The following IMMP1L variants were observed in gnomAD, a reference collection of about 807,000 sequenced individuals.
The protein encoded by IMMP1L is inner mitochondrial membrane peptidase subunit 1.
In IMMP1L, 24 loss-of-function variants were observed where a neutral mutation model predicts 21.8. The ratio of observed to expected loss-of-function variants is 1.10; its 90% CI spans 0.80 to 1.55. The LOEUF (loss-of-function observed/expected upper bound fraction) is 1.55. Ranked by LOEUF, IMMP1L falls within the 40% of genes most tolerant of loss-of-function variation. IMMP1L has a pLI of 0.00. For synonymous variants in IMMP1L, 46 were observed against 62.8 expected (o/e 0.73, Z 1.26); for missense variants, 195 against 200.7 (o/e 0.97, Z 0.17).
chr11:31,471,021 A>G (rs1013385879), intron 1 of IMMP1L, among the ~76,000 whole-genome samples: 3 of 152,228 alleles, frequency 2.0e-5, no homozygotes, highest in Non-Finnish European at 4.4e-5. Flanking sequence ...TTACAGCTAT[A>G]TAGGAGAAAT....
At chr11:31,496,211 C>G (rs563353100) in intron 1 of IMMP1L, among the ~76,000 whole-genome samples, 5 of 150,700 alleles carry the variant, frequency 3.3e-5, no homozygotes, top group Admixed American at 2.6e-4. Flanking sequence ...GGCCAATAAG[C>G]ACATGAAAAG....
At chr11:31,459,854 T>A (rs1380116455) in intron 3 of IMMP1L, among the ~76,000 whole-genome samples, 1 of 152,148 alleles carries the variant, frequency 6.6e-6, no homozygotes. Context: ...TACAATGATG[T>A]AATCTAAAAA....
intron 1 of IMMP1L, among the ~76,000 whole-genome samples, chr11:31,490,162 ATG>A (rs375838202): frequency 6.6e-6 from 1 of 152,318 alleles, no homozygotes; most frequent in East Asian, 1.9e-4. Context: ...TTATTCACAT[ATG>A]TGTGTGTATG....
chr11:31,451,388 T>C (rs1356151328), intron 4 of IMMP1L, among the ~76,000 whole-genome samples: 1 of 149,734 alleles, frequency 6.7e-6, no homozygotes, highest in Non-Finnish European at 1.5e-5. Flanking sequence ...ATGAGAGAGA[T>C]GAGTTTATCT....
chr11:31,477,371 T>C (rs750676005), intron 1 of IMMP1L: 3 of 201,166 alleles, frequency 1.5e-5, no homozygotes, highest in South Asian at 3.5e-4. Flanking sequence ...AACTTTTCTA[T>C]TTCAATAGCT....
chr11:31,452,311 A>G, intron 4 of IMMP1L: 2 of 982,668 alleles, frequency 2.0e-6, no homozygotes, highest in South Asian at 9.4e-5. Flanking sequence ...ACACAATATT[A>G]TACTAATAAA....
chr11:31,473,643 T>TC, intron 1 of IMMP1L: 5 of 436,734 alleles, frequency 1.1e-5, no homozygotes, highest in Non-Finnish European at 1.5e-5. Context: ...AATTAGAGAT[T>TC]CCTCCATCTT....
At chr11:31,446,477 G>C (rs548780164) in intron 4 of IMMP1L, among the ~76,000 whole-genome samples, 1 of 152,124 alleles carries the variant, frequency 6.6e-6, no homozygotes, top group African/African-American at 2.4e-5. Context: ...TTAGGGATGG[G>C]GTCTTGCTAT....
At chr11:31,468,171 G>A (rs1483559966) in intron 1 of IMMP1L, among the ~76,000 whole-genome samples, 1 of 152,094 alleles carries the variant, frequency 6.6e-6, no homozygotes, top group African/African-American at 2.4e-5. Flanking sequence ...AGCTATAAAA[G>A]ACATGGGGAC....
At chr11:31,480,116 T>C (rs1354881919) in intron 1 of IMMP1L, among the ~76,000 whole-genome samples, 2 of 152,076 alleles carry the variant, frequency 1.3e-5, no homozygotes, top group East Asian at 1.9e-4. Flanking sequence ...TACTCCCTCA[T>C]TGAGCTCAAA....
At chr11:31,476,431 T>C (rs954086956) in intron 1 of IMMP1L, among the ~76,000 whole-genome samples, 11 of 152,040 alleles carry the variant, frequency 7.2e-5, no homozygotes, top group Non-Finnish European at 1.5e-5. Context: ...AAAGACTTTA[T>C]ATGGAAAAGA....
chr11:31,458,764 G>T (rs1954034665), intron 3 of IMMP1L, among the ~76,000 whole-genome samples: 2 of 152,180 alleles, frequency 1.3e-5, no homozygotes, highest in South Asian at 2.1e-4. Flanking sequence ...ATTTTGAGCT[G>T]TCCTGTAACC....
At chr11:31,506,611 A>G (rs1955785447) in intron 1 of IMMP1L, among the ~76,000 whole-genome samples, 1 of 151,660 alleles carries the variant, frequency 6.6e-6, no homozygotes, top group African/African-American at 2.4e-5. Context: ...ACTTGCTGGT[A>G]AGTTCAAGAA....
intron 1 of IMMP1L, among the ~76,000 whole-genome samples, chr11:31,504,100 T>C (rs943798621): frequency 6.6e-6 from 1 of 151,972 alleles, no homozygotes; most frequent in East Asian, 1.9e-4. Flanking sequence ...AGTACAGACA[T>C]AAATATTTAA....
chr11:31,434,933 T>C (rs1376958306), intron 4 of IMMP1L, among the ~76,000 whole-genome samples: 5 of 152,126 alleles, frequency 3.3e-5, no homozygotes, highest in African/African-American at 1.2e-4. Context: ...ACTGCTCTAG[T>C]AGGAAAGTGT....
Position 31,453,174 on chromosome 11 carries a change from C to A in IMMP1L, c.321+3086G>T. On this transcript the variant is annotated intron_variant, in intron 4 of 5. Coordinates refer to ENST00000532287, the MANE Select transcript of IMMP1L (RefSeq NM_001304274.2). ...AACTCTGGAATGGAAAACAAACAAA[C>A]AAAAAAGAACTCTGGAAAGAATAAA... The A allele has an allele frequency of 9.2e-6, 10 of 1,088,438 alleles. No homozygotes were observed. The Admixed American group carries it at 1.4e-4, about 15-fold the overall frequency. 67.4% of individuals were successfully genotyped at this position (1,088,438 alleles called of 1,614,324 possible). A position where few individuals can be genotyped will look rare whatever the true frequency, so the allele number is the denominator to read the frequency against.
chr11:31,456,055 T>C (rs1166837621), intron 4 of IMMP1L, among the ~76,000 whole-genome samples: 1 of 152,244 alleles, frequency 6.6e-6, no homozygotes, highest in African/African-American at 2.4e-5. Context: ...CAATTATTAC[T>C]AAGATGTTTA....
At chr11:31,482,669 T>C (rs969983559) in intron 1 of IMMP1L, among the ~76,000 whole-genome samples, 2 of 151,776 alleles carry the variant, frequency 1.3e-5, no homozygotes, top group African/African-American at 2.4e-5. Flanking sequence ...CCCACCAGAA[T>C]TGGAAAAATG....
At chr11:31,461,792 C>G (rs1244175134) in intron 2 of IMMP1L, among the ~76,000 whole-genome samples, 1 of 152,090 alleles carries the variant, frequency 6.6e-6, no homozygotes. Flanking sequence ...AAATCCATAA[C>G]ACTTCTGGTC....
Sources: allele counts gnomAD v4.1 joint callset (sites outside exome capture counted in the v4.1 genomes callset), GRCh38; gene constraint gnomAD v4.1.1; transcripts MANE v1.5; gene names NCBI Gene and HGNC (gene_info 2026-07-23, HGNC 2026-07-21).